BCLAF1: variants seen among roughly 807,000 people sequenced by gnomAD.
BCLAF1 encodes the protein bcl-2-associated transcription factor 1.
BCLAF1 carries 10 observed loss-of-function variants against 99.5 expected under a neutral mutation model. That is an observed-to-expected ratio of 0.10 (90% CI 0.06 to 0.17). BCLAF1 has a LOEUF of 0.17. Ranked by LOEUF, BCLAF1 falls within the 10% of genes least tolerant of loss-of-function variation. The probability of loss-of-function intolerance (pLI) is 1.00; values close to 1 mark genes in which losing one functional copy is unlikely to be tolerated. For synonymous variants in BCLAF1, 255 were observed against 370.9 expected, an observed-to-expected ratio of 0.69 and a Z score of 3.59; for missense variants, 636 against 1,105.8, an observed-to-expected ratio of 0.58 and a Z score of 6.02.
In BCLAF1 at chr6:136,276,472, A is replaced by G. The variant is rs764234306; in HGVS notation, c.1053T>C (p.Asp351=). 1.9e-6 allele frequency: 3 copies of G among 1,553,610 alleles called. No homozygotes were observed. The East Asian group carries it at 6.7e-5, about 35-fold the overall frequency. The change falls in exon 5 of 13, where the codon GAT becomes GAC. Residue 351 remains aspartate, a synonymous_variant. Transcript: ENST00000531224. ...TDEESRVFLL[D]RGNTRDKEAS... ...CCTCTTTATCCCTGGTATTACCCCT[A>G]TCAAGCAGGAATACTCTAGACTCTT... is the stretch of plus-strand genomic sequence containing the variant.
At chr6:136,287,506 C>T (rs75470230) in intron 1 of BCLAF1, among the ~76,000 whole-genome samples, 19 of 152,056 alleles carry the variant, frequency 1.2e-4, no homozygotes, top group African/African-American at 4.4e-4. Flanking sequence ...CAAACAAGTA[C>T]CCAGAGATTT....
chr6:136,289,403 G>C (rs1018210584), intron 1 of BCLAF1, among the ~76,000 whole-genome samples: 3 of 152,176 alleles, frequency 2.0e-5, no homozygotes, highest in Non-Finnish European at 4.4e-5. Flanking sequence ...TGAAGAAATG[G>C]GGGAAGGGTG....
rs36141174 is a variant in BCLAF1, at chr6:136,284,130, G to GTGTGTATA, written c.-114-1444_-114-1443insTATACACA. Among the ~76,000 whole-genome samples the GTGTGTATA allele has an allele frequency of 2.6e-3, 321 of 122,074 alleles. 1 individual carries two copies. The highest frequency in any genetic ancestry group is 9.6e-3 in the African/African-American group (236 of 24,534). The allele number at this position is 122,074 out of a possible 152,430, so 80.1% of individuals were successfully genotyped here. On this transcript the variant is annotated intron_variant, in intron 1 of 12. Transcript: ENST00000531224. ...TATACATATATATGTGTGTGTGTGTGTATATATATATATATATATATATAT... is the reference window on the plus strand; with the variant it reads ...TATACATATATATGTGTGTGTGTGTGTGTGTATATATATATATATATATATATATATAT...
intron 3 of BCLAF1, chr6:136,279,364 TAACA>T (rs1784054540): frequency 6.5e-6 from 1 of 153,056 alleles, no homozygotes; most frequent in African/African-American, 2.4e-5. Flanking sequence ...TTAATTTTTT[TAACA>T]AAAAAAATTA....
In BCLAF1 at chr6:136,261,241, G is replaced by T. The variant is rs752403686; in HGVS notation, c.2757+24C>A. The T allele has an allele frequency of 8.1e-6, 13 of 1,604,936 alleles. No individual in the cohort carries two copies. The Admixed American group carries it at 1.2e-4, about 15-fold the overall frequency. The stretch of plus-strand genomic sequence containing the variant: ...AACCTATATCAAAAAAAATCTGTCA[G>T]AATCACAAGTTGAAATTTTATACCT... On this transcript the variant is annotated intron_variant, in intron 12 of 12. Coordinates refer to ENST00000531224, the MANE Select transcript of BCLAF1 (RefSeq NM_014739.3).
At chr6:136,280,375 AC>A (rs1784212351) in intron 2 of BCLAF1, among the ~76,000 whole-genome samples, 1 of 152,136 alleles carries the variant, frequency 6.6e-6, no homozygotes, top group South Asian at 2.1e-4. Context: ...CACTCCATAT[AC>A]ACAATCCTGT....
chr6:136,287,096 C>T (rs1052422283), intron 1 of BCLAF1, among the ~76,000 whole-genome samples: 4 of 151,420 alleles, frequency 2.6e-5, no homozygotes, highest in Non-Finnish European at 5.9e-5. Flanking sequence ...GCCAAGATCA[C>T]GCCACTGCAC....
chr6:136,268,417 AT>A, intron 9 of BCLAF1, 78 bp from the exon 10 acceptor site: 1 of 1,313,148 alleles, frequency 7.6e-7, no homozygotes, highest in Middle Eastern at 1.8e-4. Context: ...CAGAAGAGAT[AT>A]TTTTCAAGTC....
chr6:136,276,574 TA>T, intron 4 of BCLAF1, 66 bp from the exon 5 acceptor site: 1 of 1,492,694 alleles, frequency 6.7e-7, no homozygotes, highest in African/African-American at 1.4e-5. Flanking sequence ...CTTCCATATT[TA>T]AATGTGTTGC....
chr6:136,289,401 TG>T (rs1196203551), intron 1 of BCLAF1, among the ~76,000 whole-genome samples: 1 of 150,458 alleles, frequency 6.6e-6, no homozygotes, highest in Admixed American at 6.6e-5. Context: ...GCTGAAGAAA[TG>T]GGGGAAGGGT....
intron 11 of BCLAF1, among the ~76,000 whole-genome samples, chr6:136,264,372 A>G (rs1419595252): frequency 6.6e-6 from 1 of 151,920 alleles, no homozygotes; most frequent in East Asian, 1.9e-4. Context: ...ACGCTCAGCT[A>G]ATTTTCGTTT....
At chr6:136,284,494 T>C (rs1235427365) in intron 1 of BCLAF1, among the ~76,000 whole-genome samples, 1 of 152,100 alleles carries the variant, frequency 6.6e-6, no homozygotes, top group Non-Finnish European at 1.5e-5. Context: ...AAAAACCAAA[T>C]CGAGAACAGT....
Position 136,269,441 on chromosome 6 carries a change from C to T in BCLAF1, c.2215G>A (p.Asp739Asn). 1 of 1,605,286 alleles carries T rather than the reference C, an allele frequency of 6.2e-7. No homozygotes were observed. The highest frequency in any genetic ancestry group is 8.5e-7 in the Non-Finnish European group (1 of 1,176,676). Residue 739 changes from aspartate (D) to asparagine (N), a missense_variant, in exon 9 of 13, where the codon GAC becomes AAC. This residue lies in a region of BCLAF1 where 180 missense variants were observed against 270.0 expected (regional missense o/e 0.67). Coordinates refer to ENST00000531224, the MANE Select transcript of BCLAF1 (RefSeq NM_014739.3). ...DYKEYKSYKD[D>N]SKHKREQDHS... The stretch of plus-strand genomic sequence containing the variant: ...TTAGTCAGTTTGAACAATTACCTGT[C>T]ATCTTTGTAAGATTTGTATTCCTTG...
intron 10 of BCLAF1, 90 bp downstream of exon 10, chr6:136,268,069 TAAC>T (rs1399063050): frequency 9.3e-5 from 111 of 1,187,838 alleles, no homozygotes; most frequent in Non-Finnish European, 1.2e-4. Flanking sequence ...ATGACACACA[TAAC>T]AATCTCTAAA....
At chr6:136,277,757 T>TAA (rs58951987) in intron 4 of BCLAF1, 108 bp downstream of exon 4, 2 of 1,322,586 alleles carry the variant, frequency 1.5e-6, no homozygotes, top group Non-Finnish European at 1.0e-6. Flanking sequence ...AAGTCAAGAG[T>TAA]AAAAACCGCT....
chr6:136,258,887 T>C lies in BCLAF1; in HGVS notation c.*2223A>G, dbSNP rs866975651. On this transcript the variant is annotated 3_prime_UTR_variant, in exon 13 of 13. Coordinates refer to ENST00000531224, the MANE Select transcript of BCLAF1 (RefSeq NM_014739.3). ...TTCTTAAACAGCTTTCTTAATCCTT[T>C]CTGGAAATATCCTTTGGTTCATTTT... is the stretch of plus-strand genomic sequence containing the variant. 6 of 152,570 alleles carry C rather than the reference T, an allele frequency of 3.9e-5. No homozygotes were observed. The highest frequency in any genetic ancestry group is 4.1e-4 in the South Asian group (2 of 4,828). 9.5% of individuals were successfully genotyped at this position (152,570 alleles called of 1,614,324 possible).
At chr6:136,276,859 T>C (rs1783498635) in intron 4 of BCLAF1, among the ~76,000 whole-genome samples, 1 of 152,206 alleles carries the variant, frequency 6.6e-6, no homozygotes, top group African/African-American at 2.4e-5. Context: ...TAATACATTG[T>C]TAGAATTCTA....
At position 136,262,478 on chromosome 6, in the gene BCLAF1, A is replaced by G. The variant is rs191718455; in HGVS notation, c.2545-1001T>C. 6.6e-5 allele frequency among the ~76,000 whole-genome samples: 10 copies of G among 152,270 alleles called. No individual in the cohort carries two copies. In the East Asian group the frequency reaches 1.9e-3, roughly 29 times the overall value. ...ATGAGTATTTTTTTTCCAAAACATA[A>G]GACTGTGCCTTTGGATATATTCATT... On this transcript the variant is annotated intron_variant, in intron 11 of 12. Transcript: ENST00000531224.
At chr6:136,265,086 TCACC>T (rs1781540811) in intron 11 of BCLAF1, among the ~76,000 whole-genome samples, 1 of 152,176 alleles carries the variant, frequency 6.6e-6, no homozygotes, top group African/African-American at 2.4e-5. Context: ...ATCTATTTGT[TCACC>T]CCTCATTCCC....
Sources: gnomAD v4.1 joint callset for allele counts (sites outside exome capture counted in the v4.1 genomes callset) on GRCh38, gnomAD v4.1.1 for gene constraint, gnomAD v4.1.1 regional missense constraint, MANE v1.5 for transcripts, NCBI Gene and HGNC (gene_info 2026-07-23, HGNC 2026-07-21) for gene names.